Variants in GABRB3 observed in about 807,000 individuals in gnomAD.
The protein encoded by GABRB3 is gamma-aminobutyric acid receptor subunit beta-3.
In GABRB3, 14 loss-of-function variants were observed where a neutral mutation model predicts 52.1. The observed-to-expected ratio is 0.27, with a 90% CI of 0.18 to 0.42. The LOEUF is 0.42. Among genes scored for constraint, GABRB3 ranks in the 10% least tolerant of loss-of-function variants. The pLI is 1.00. For synonymous variants in GABRB3, 260 were observed against 232.3 expected, an observed-to-expected ratio of 1.12 and a Z score of -1.08; for missense variants, 307 against 609.1, an observed-to-expected ratio of 0.50 and a Z score of 5.22.
At chr15:26,664,889 A>G (rs1887661375) in intron 3 of GABRB3, among the ~76,000 whole-genome samples, 4 of 151,478 alleles carry the variant, frequency 2.6e-5, no homozygotes, top group Admixed American at 2.6e-4. Flanking sequence ...TAGTACAGAC[A>G]GGGTTTCTCC....
intron 3 of GABRB3, among the ~76,000 whole-genome samples, chr15:26,680,678 T>C (rs562046760): frequency 1.3e-5 from 2 of 152,362 alleles, no homozygotes; most frequent in South Asian, 4.1e-4. Flanking sequence ...AATCATTTAC[T>C]AGGCAGCTAA....
chr15:26,573,674 A>C (rs60989642), intron 6 of GABRB3, among the ~76,000 whole-genome samples: 25,615 of 152,012 alleles, frequency 0.17, 2,236 homozygotes, highest in African/African-American at 0.22. Context: ...GTTATGCTCC[A>C]AAGTGTACCG....
intron 3 of GABRB3, among the ~76,000 whole-genome samples, chr15:26,652,236 T>C (rs1887220348): frequency 4.6e-5 from 7 of 152,254 alleles, no homozygotes; most frequent in Admixed American, 2.6e-4. Flanking sequence ...GGCTTCAAGA[T>C]GTTCCTCCTT....
chr15:26,673,794 C>G (rs892740077), intron 3 of GABRB3, among the ~76,000 whole-genome samples: 38 of 152,254 alleles, frequency 2.5e-4, no homozygotes, highest in African/African-American at 7.2e-4. Flanking sequence ...AAACTTTGTC[C>G]AAAGCTTTTA....
intron 3 of GABRB3, among the ~76,000 whole-genome samples, chr15:26,727,248 A>C (rs1889798290): frequency 6.6e-6 from 1 of 152,214 alleles, no homozygotes; most frequent in African/African-American, 2.4e-5. Flanking sequence ...TCGAATGACG[A>C]CTGTCTAATT....
chr15:26,571,837 C>T (rs951558676), intron 6 of GABRB3, among the ~76,000 whole-genome samples: 13 of 152,084 alleles, frequency 8.5e-5, no homozygotes, highest in African/African-American at 3.1e-4. Context: ...ATCGCGAGGT[C>T]AAGAGATCGA....
At chr15:26,754,849 C>T (rs1258658088) in intron 3 of GABRB3, among the ~76,000 whole-genome samples, 1 of 152,134 alleles carries the variant, frequency 6.6e-6, no homozygotes, top group Non-Finnish European at 1.5e-5. Flanking sequence ...TTTCCCCACA[C>T]TTTATTTCAC....
chr15:26,626,139 T>C (rs757285591), intron 3 of GABRB3, among the ~76,000 whole-genome samples: 4 of 152,196 alleles, frequency 2.6e-5, no homozygotes, highest in Non-Finnish European at 4.4e-5. Context: ...TACTTTTATA[T>C]TGGTTATGGT....
At chr15:26,554,016 A>T (rs1231694620) in intron 8 of GABRB3, among the ~76,000 whole-genome samples, 1 of 29,008 alleles carries the variant, frequency 3.4e-5, no homozygotes, top group Non-Finnish European at 7.0e-5. Context: ...CTGACACCTG[A>T]CTATTTATAT....
intron 3 of GABRB3, among the ~76,000 whole-genome samples, chr15:26,726,888 C>G (rs139018970): frequency 6.6e-6 from 1 of 152,110 alleles, no homozygotes; most frequent in African/African-American, 2.4e-5. Context: ...CACCCAGGAG[C>G]GGTGGCTCAC....
chr15:26,739,991 G>A (rs774012139), intron 3 of GABRB3, among the ~76,000 whole-genome samples: 12 of 152,150 alleles, frequency 7.9e-5, no homozygotes, highest in Non-Finnish European at 1.3e-4. Flanking sequence ...TGCACGAGCC[G>A]CTCATTTGTC....
chr15:26,697,958 A>G (rs1358066099), intron 3 of GABRB3, among the ~76,000 whole-genome samples: 1 of 152,242 alleles, frequency 6.6e-6, no homozygotes, highest in African/African-American at 2.4e-5. Context: ...GAAATAATTT[A>G]GAACTCATCT....
At chr15:26,769,037 A>G (rs1475197549) in intron 3 of GABRB3, among the ~76,000 whole-genome samples, 1 of 151,980 alleles carries the variant, frequency 6.6e-6, no homozygotes, top group Non-Finnish European at 1.5e-5. Flanking sequence ...CATTTTTTGG[A>G]GGCATCATCT....
chr15:26,757,715 G>A (rs985424078), intron 3 of GABRB3, among the ~76,000 whole-genome samples: 2 of 152,170 alleles, frequency 1.3e-5, no homozygotes, highest in African/African-American at 2.4e-5. Context: ...GTGACATTAT[G>A]TATTTTGAAA....
chr15:26,723,162 G>C (rs1889687598), intron 3 of GABRB3, among the ~76,000 whole-genome samples: 1 of 152,098 alleles, frequency 6.6e-6, no homozygotes, highest in South Asian at 2.1e-4. Context: ...AAAAATCATA[G>C]AAAAATTCCA....
At chr15:26,773,696 A>C, upstream of GABRB3, 1 of 1,575,192 alleles carries the variant, frequency 6.3e-7, no homozygotes, top group Non-Finnish European at 8.6e-7. Context: ...CCAGATGGGC[A>C]GCAGGAGCTC....
chr15:26,765,159 T>A (rs974897687), intron 3 of GABRB3, among the ~76,000 whole-genome samples: 1 of 150,208 alleles, frequency 6.7e-6, no homozygotes, highest in Non-Finnish European at 1.5e-5. Context: ...AAAACTTCCC[T>A]ATAATATACG....
At chr15:26,561,274 C>T in intron 7 of GABRB3, 98 bp from the exon 8 acceptor site, 2 of 1,548,782 alleles carry the variant, frequency 1.3e-6, no homozygotes, top group Non-Finnish European at 1.8e-6. Context: ...TTTAAGTAGT[C>T]AGAGATAAGG....
intron 6 of GABRB3, among the ~76,000 whole-genome samples, chr15:26,569,660 T>G (rs1890318005): frequency 6.6e-6 from 1 of 152,254 alleles, no homozygotes; most frequent in Admixed American, 6.5e-5. Flanking sequence ...AAGGAGGGAT[T>G]GCTAGGCCAA....
Sources: gnomAD v4.1 joint callset for allele counts (sites outside exome capture counted in the v4.1 genomes callset) on GRCh38, gnomAD v4.1.1 for gene constraint, MANE v1.5 for transcripts, NCBI Gene and HGNC (gene_info 2026-07-23, HGNC 2026-07-21) for gene names.